The following TCF7L1 variants were observed in gnomAD, a reference collection of about 807,000 sequenced individuals.
TCF7L1 encodes transcription factor 7 like 1.
Under a neutral mutation model 63.7 loss-of-function variants are expected in TCF7L1, and 18 were observed. That is an observed-to-expected ratio of 0.28 (90% CI 0.20 to 0.42). The LOEUF (loss-of-function observed/expected upper bound fraction) is 0.42, where lower values mean the gene tolerates loss of function less well. Among genes scored for constraint, TCF7L1 ranks in the 10% least tolerant of loss-of-function variants. The pLI is 1.00. For synonymous variants in TCF7L1, 355 were observed against 340.9 expected (o/e 1.04, Z -0.46); for missense variants, 654 against 779.3 (o/e 0.84, Z 1.91).
At chr2:85,174,810 C>T (rs576370111) in intron 3 of TCF7L1, among the ~76,000 whole-genome samples, 30 of 152,346 alleles carry the variant, frequency 2.0e-4, no homozygotes, top group African/African-American at 7.2e-4. Flanking sequence ...CACTTGGGCC[C>T]TGCTGGGGCA....
chr2:85,233,415 A>G (rs980194960), intron 3 of TCF7L1, among the ~76,000 whole-genome samples: 14 of 151,232 alleles, frequency 9.3e-5, no homozygotes, highest in African/African-American at 3.4e-4. Flanking sequence ...TCTCTGGTTC[A>G]AGTGATTCTC....
At chr2:85,201,095 A>G (rs1679258974) in intron 3 of TCF7L1, among the ~76,000 whole-genome samples, 1 of 152,146 alleles carries the variant, frequency 6.6e-6, no homozygotes, top group Non-Finnish European at 1.5e-5. Flanking sequence ...CCAGCTACTC[A>G]GGAGGCCGAG....
chr2:85,161,528 G>A (rs1159011580), intron 3 of TCF7L1, among the ~76,000 whole-genome samples: 4 of 152,218 alleles, frequency 2.6e-5, no homozygotes, highest in Non-Finnish European at 4.4e-5. Flanking sequence ...TCCTGGGATG[G>A]GGATGGCTGG....
At chr2:85,144,050 A>G (rs559033957) in intron 3 of TCF7L1, among the ~76,000 whole-genome samples, 2 of 152,222 alleles carry the variant, frequency 1.3e-5, no homozygotes, top group African/African-American at 4.8e-5. Flanking sequence ...AGAATACGCA[A>G]ACGAATGTTT....
chr2:85,283,694 T>G, intron 4 of TCF7L1, 116 bp downstream of exon 4: 5 of 1,139,768 alleles, frequency 4.4e-6, no homozygotes, highest in Non-Finnish European at 5.3e-6. Flanking sequence ...TCCTCAAATG[T>G]GTGAGTACAG....
intron 3 of TCF7L1, among the ~76,000 whole-genome samples, chr2:85,206,833 A>G (rs59898676): frequency 0.014 from 2,112 of 152,356 alleles, 48 homozygotes; most frequent in African/African-American, 0.048. Context: ...CAAACGTCTT[A>G]GGAGATATTT....
intron 3 of TCF7L1, among the ~76,000 whole-genome samples, chr2:85,226,494 T>G (rs745412696): frequency 2.0e-5 from 3 of 152,204 alleles, no homozygotes; most frequent in African/African-American, 4.8e-5. Context: ...GAACCTGGCT[T>G]CTTTGCTGCT....
chr2:85,212,439 T>G (rs1679586636), intron 3 of TCF7L1, among the ~76,000 whole-genome samples: 1 of 152,256 alleles, frequency 6.6e-6, no homozygotes, highest in Non-Finnish European at 1.5e-5. Flanking sequence ...TTGTGGCTGC[T>G]GTTATTATCT....
At chr2:85,190,322 A>G (rs1679015718) in intron 3 of TCF7L1, among the ~76,000 whole-genome samples, 1 of 152,110 alleles carries the variant, frequency 6.6e-6, no homozygotes, top group South Asian at 2.1e-4. Context: ...TCTTGGAGGG[A>G]CGAAGGACAT....
At chr2:85,141,747 T>C (rs902376003) in intron 3 of TCF7L1, among the ~76,000 whole-genome samples, 4 of 152,162 alleles carry the variant, frequency 2.6e-5, no homozygotes, top group Admixed American at 6.5e-5. Context: ...TCTTACTTCA[T>C]CCGTGGAGGG....
At chr2:85,143,454 A>C (rs1357493970) in intron 3 of TCF7L1, among the ~76,000 whole-genome samples, 2 of 152,202 alleles carry the variant, frequency 1.3e-5, no homozygotes, top group African/African-American at 4.8e-5. Context: ...AGGGGCGCAA[A>C]TAGCTCCACC....
intron 4 of TCF7L1, among the ~76,000 whole-genome samples, chr2:85,288,579 G>T (rs907662845): frequency 6.6e-6 from 1 of 152,182 alleles, no homozygotes; most frequent in South Asian, 2.1e-4. Context: ...TAGAGCAAGC[G>T]AAGGAAACAG....
rs771279961 is a variant in TCF7L1 at position 85,302,670 on chromosome 2, T to C, written c.658+54T>C. On this transcript the variant is annotated intron_variant, in intron 5 of 11. Transcript: ENST00000282111. ...GCTGCAGGGCAGGCGGGCTTCTCTT[T>C]TGTGGGAACATAACAGCCCTTGAAT... 5 of 1,585,194 alleles carry C rather than the reference T, an allele frequency of 3.2e-6. No homozygotes were observed. The Admixed American group carries it at 8.8e-5, about 28-fold the overall frequency.
chr2:85,307,710 G>T lies in TCF7L1; in HGVS notation c.1326G>T (p.Glu442Asp). 1 of 1,613,580 alleles carries T rather than the reference G, an allele frequency of 6.2e-7. No individual in the cohort carries two copies. The highest frequency in any genetic ancestry group is 2.2e-5 in the East Asian group (1 of 44,874). Reference sequence around the variant, plus strand: ...CACAGTCACAGCAGCAAGTCCAGGAGGCAGAGGGTGCGTCTCGGGGCACTG... The same window carrying T: ...CACAGTCACAGCAGCAAGTCCAGGATGCAGAGGGTGCGTCTCGGGGCACTG... ...SQTQSQQQVQ[E>D]AEGALASKSK... Residue 442 changes from glutamate (E) to aspartate (D), a missense_variant, in exon 11 of 12, where the codon GAG (glutamate) becomes GAT (aspartate). This residue lies in a region of TCF7L1 where 184 missense variants were observed against 204.0 expected (regional missense o/e 0.90). Transcript: ENST00000282111.
chr2:85,230,989 C>T (rs1168446576), intron 3 of TCF7L1, among the ~76,000 whole-genome samples: 2 of 152,120 alleles, frequency 1.3e-5, no homozygotes, highest in Non-Finnish European at 2.9e-5. Flanking sequence ...AAATCTTGGT[C>T]CCCTCAGGAA....
chr2:85,202,384 C>T (rs1679290788), intron 3 of TCF7L1, among the ~76,000 whole-genome samples: 1 of 152,070 alleles, frequency 6.6e-6, no homozygotes, highest in South Asian at 2.1e-4. Context: ...TATTTTCTCT[C>T]ATTCTGTGGG....
intron 3 of TCF7L1, among the ~76,000 whole-genome samples, chr2:85,190,200 T>G (rs912406826): frequency 2.6e-5 from 4 of 152,236 alleles, no homozygotes; most frequent in African/African-American, 9.6e-5. Flanking sequence ...GGCACACTGA[T>G]GTACTTTACT....
rs1185643429 is a variant in TCF7L1, at chr2:85,258,753, TG to T, written c.442-24735del. 2.6e-5 allele frequency among the ~76,000 whole-genome samples: 4 copies of T among 152,266 alleles called. No individual in the cohort carries two copies. In the South Asian group the frequency reaches 6.2e-4, roughly 24 times the overall value. On this transcript the variant is annotated intron_variant, in intron 3 of 11. Coordinates refer to ENST00000282111, the MANE Select transcript of TCF7L1 (RefSeq NM_031283.3). ...TCCCAAACCCTGCAGATATTGGGGT[TG>T]GGGGGGCTGTCTGCATGCCCTTCCT...
chr2:85,274,391 G>C (rs1681225385), intron 3 of TCF7L1, among the ~76,000 whole-genome samples: 1 of 152,212 alleles, frequency 6.6e-6, no homozygotes, highest in Non-Finnish European at 1.5e-5. Flanking sequence ...CTAGTGCTCT[G>C]GGAGCAGAGT....
Sources: gnomAD v4.1 joint callset for allele counts (sites outside exome capture counted in the v4.1 genomes callset) on GRCh38, gnomAD v4.1.1 for gene constraint, gnomAD v4.1.1 regional missense constraint, MANE v1.5 for transcripts, NCBI Gene and HGNC (gene_info 2026-07-23, HGNC 2026-07-21) for gene names.